The following INPP4B variants were observed in gnomAD, a reference collection of about 807,000 sequenced individuals.
INPP4B encodes inositol polyphosphate 4-phosphatase type II.
Under a neutral mutation model 122.5 loss-of-function variants are expected in INPP4B, and 55 were observed. That is an observed-to-expected ratio of 0.45 (90% CI 0.36 to 0.56). INPP4B has a LOEUF of 0.56. INPP4B is among the 20% of genes least tolerant of loss of function. INPP4B has a pLI of 0.00. For missense variants in INPP4B, 1,000 were observed against 1,097.7 expected (o/e 0.91, Z 1.26); for synonymous variants, 403 against 388.7 (o/e 1.04, Z -0.43).
chr4:142,642,094 G>A (rs902470221), intron 2 of INPP4B, among the ~76,000 whole-genome samples: 50 of 152,044 alleles, frequency 3.3e-4, no homozygotes, highest in East Asian at 7.7e-4. Flanking sequence ...CATATCCTTC[G>A]CCCACTTGTT....
At chr4:142,638,543 T>TCC (rs1749661019) in intron 2 of INPP4B, among the ~76,000 whole-genome samples, 3 of 79,830 alleles carry the variant, frequency 3.8e-5, no homozygotes. Context: ...AGTTGTCTAT[T>TCC]CTCTTTTTTT....
chr4:142,353,629 T>C (rs1782653835), intron 7 of INPP4B, among the ~76,000 whole-genome samples: 1 of 152,052 alleles, frequency 6.6e-6, no homozygotes, highest in South Asian at 2.1e-4. Flanking sequence ...TACAACTGCA[T>C]CTAGGATTAT....
chr4:142,545,617 A>C (rs1159949459), intron 2 of INPP4B, among the ~76,000 whole-genome samples: 2 of 151,828 alleles, frequency 1.3e-5, no homozygotes, highest in African/African-American at 4.8e-5. Flanking sequence ...TTGTATGCAA[A>C]TATGTTCAAT....
chr4:142,736,089 C>G (rs768330786), intron 1 of INPP4B, among the ~76,000 whole-genome samples: 8 of 152,022 alleles, frequency 5.3e-5, no homozygotes, highest in Non-Finnish European at 1.0e-4. Flanking sequence ...AAATGGTGAT[C>G]CATAAACTGC....
chr4:142,187,513 T>G (rs903088978), intron 15 of INPP4B, among the ~76,000 whole-genome samples: 1 of 151,978 alleles, frequency 6.6e-6, no homozygotes, highest in Non-Finnish European at 1.5e-5. Flanking sequence ...TGTGTGTGTC[T>G]GTGTGTGTAT....
At chr4:142,614,573 A>G (rs867367624) in intron 2 of INPP4B, among the ~76,000 whole-genome samples, 1 of 152,176 alleles carries the variant, frequency 6.6e-6, no homozygotes, top group Non-Finnish European at 1.5e-5. Flanking sequence ...TAGCTTCTGC[A>G]TAACAAAATA....
chr4:142,260,766 C>T (rs1272175740), intron 10 of INPP4B, among the ~76,000 whole-genome samples: 1 of 151,946 alleles, frequency 6.6e-6, no homozygotes, highest in Non-Finnish European at 1.5e-5. Flanking sequence ...ACAGAATATG[C>T]TTATATTAGA....
At chr4:142,473,898 G>A (rs1387583462) in intron 2 of INPP4B, among the ~76,000 whole-genome samples, 1 of 152,196 alleles carries the variant, frequency 6.6e-6, no homozygotes, top group Non-Finnish European at 1.5e-5. Flanking sequence ...AGATGACAAG[G>A]CAGGTGACCC....
chr4:142,512,465 G>T (rs1200458121), intron 2 of INPP4B, among the ~76,000 whole-genome samples: 1 of 152,110 alleles, frequency 6.6e-6, no homozygotes, highest in African/African-American at 2.4e-5. Context: ...AACATTTTCA[G>T]ATTGTCTTGG....
chr4:142,114,376 GT>G (rs1791860044), intron 21 of INPP4B, among the ~76,000 whole-genome samples: 1 of 152,010 alleles, frequency 6.6e-6, no homozygotes, highest in Non-Finnish European at 1.5e-5. Flanking sequence ...CTGCCAAACT[GT>G]TTTCAAAGTG....
intron 3 of INPP4B, among the ~76,000 whole-genome samples, chr4:142,459,205 A>T (rs2149572527): frequency 6.7e-6 from 1 of 149,484 alleles, no homozygotes; most frequent in East Asian, 2.1e-4. Context: ...TTCACATATT[A>T]TGTGGCTTGA....
At chr4:142,330,788 C>T (rs749525472) in intron 7 of INPP4B, among the ~76,000 whole-genome samples, 2 of 152,078 alleles carry the variant, frequency 1.3e-5, no homozygotes, top group African/African-American at 4.8e-5. Context: ...ATGTTTTGTG[C>T]GTAAAGTGGG....
At chr4:142,678,776 G>A (rs1351996457) in intron 2 of INPP4B, among the ~76,000 whole-genome samples, 1 of 151,872 alleles carries the variant, frequency 6.6e-6, no homozygotes, top group South Asian at 2.1e-4. Context: ...CTGATCTGAA[G>A]TTAGACCATC....
intron 2 of INPP4B, among the ~76,000 whole-genome samples, chr4:142,554,820 A>G (rs570563383): frequency 6.6e-6 from 1 of 152,360 alleles, no homozygotes; most frequent in South Asian, 2.1e-4. Flanking sequence ...ACATATTTGT[A>G]ATCAAAGACC....
At chr4:142,548,946 C>T (rs970101282) in intron 2 of INPP4B, among the ~76,000 whole-genome samples, 1 of 152,044 alleles carries the variant, frequency 6.6e-6, no homozygotes, top group African/African-American at 2.4e-5. Context: ...AAAATTATGT[C>T]TGTGAGGCCC....
rs1737225484 is a variant in INPP4B, at chr4:142,027,064, A to G, written c.*1718T>C. On this transcript the variant is annotated 3_prime_UTR_variant, in exon 26 of 26. Transcript: ENST00000262992. ...TCAAAGGTTGTATTTAATCACTAAA[A>G]TAAAGAATGAGTTAAGAGAACATCA... is the stretch of plus-strand genomic sequence containing the variant. 6.6e-6 allele frequency: 1 copy of G among 152,192 alleles called. No individual in the cohort carries two copies. The highest frequency in any genetic ancestry group is 1.5e-5 in the Non-Finnish European group (1 of 68,040). 9.4% of individuals were successfully genotyped at this position (152,192 alleles called of 1,614,324 possible).
chr4:142,658,491 T>C (rs1754562649), intron 2 of INPP4B, among the ~76,000 whole-genome samples: 2 of 152,382 alleles, frequency 1.3e-5, no homozygotes, highest in African/African-American at 2.4e-5. Context: ...TTACAGCCTT[T>C]AAGAATTAAG....
chr4:142,112,771 G>T, intron 21 of INPP4B, 89 bp from the exon 22 acceptor site: 1 of 1,261,846 alleles, frequency 7.9e-7, no homozygotes, highest in Non-Finnish European at 1.1e-6. Flanking sequence ...TAAAAGGGTT[G>T]GAATATAGCA....
chr4:142,632,093 GACA>G (rs988344903), intron 2 of INPP4B, among the ~76,000 whole-genome samples: 4 of 152,222 alleles, frequency 2.6e-5, no homozygotes, highest in African/African-American at 9.6e-5. Flanking sequence ...TAATTTGTGT[GACA>G]ACAACAAGGT....
Sources: allele counts gnomAD v4.1 joint callset (sites outside exome capture counted in the v4.1 genomes callset), GRCh38; gene constraint gnomAD v4.1.1; transcripts MANE v1.5; gene names NCBI Gene and HGNC (gene_info 2026-07-23, HGNC 2026-07-21).